The following CEP15 variants were observed in gnomAD, a reference collection of about 807,000 sequenced individuals.
The protein encoded by CEP15 is centrosomal protein 15 kDa.
At chr3:62,336,046 A>G in the CEP15 span, 26 of 152,174 alleles carry the variant, frequency 1.7e-4, no homozygotes, top group Non-Finnish European at 3.5e-4. The surrounding 1 kb of genome is among the most constrained non-coding windows in gnomAD (Gnocchi z 4.4). Context: ...TTTTTTCTGC[A>G]TTATGCACAA....
the CEP15 span, chr3:62,320,648 A>G: frequency 3.1e-6 from 2 of 653,190 alleles, no homozygotes; most frequent in Non-Finnish European, 5.3e-6. Flanking sequence ...GACACTTAAG[A>G]GGTTTTAGTG....
At chr3:62,321,541 C>G in the CEP15 span, among the ~76,000 whole-genome samples, 1 of 152,078 alleles carries the variant, frequency 6.6e-6, no homozygotes, top group African/African-American at 2.4e-5. The surrounding 1 kb of genome is among the most constrained non-coding windows in gnomAD (Gnocchi z 4.1). Context: ...CAAGTTATAT[C>G]AATGTATGTG....
the CEP15 span, among the ~76,000 whole-genome samples, chr3:62,324,581 G>C: frequency 6.6e-6 from 1 of 152,120 alleles, no homozygotes; most frequent in African/African-American, 2.4e-5. Flanking sequence ...TCACTGTTCA[G>C]TCTTTCCTTG....
chr3:62,334,191 C>T, the CEP15 span: 2 of 150,814 alleles, frequency 1.3e-5, no homozygotes, highest in African/African-American at 2.4e-5. This position sits in a 1 kb window ranked among gnomAD's most constrained non-coding sequence, Gnocchi z 4.9. Flanking sequence ...GGTCACAACC[C>T]TAAACAGCTT....
At chr3:62,326,668 A>G in the CEP15 span, among the ~76,000 whole-genome samples, 5 of 152,274 alleles carry the variant, frequency 3.3e-5, no homozygotes, top group East Asian at 5.8e-4. Context: ...TCAAGCCTAT[A>G]TAGAAGAGGG....
chr3:62,329,549 A>G, the CEP15 span, among the ~76,000 whole-genome samples: 1 of 152,188 alleles, frequency 6.6e-6, no homozygotes, highest in African/African-American at 2.4e-5. Flanking sequence ...AAGAAAGCAA[A>G]TATCTCTTAA....
chr3:62,324,738 G>A, the CEP15 span, among the ~76,000 whole-genome samples: 11 of 152,266 alleles, frequency 7.2e-5, no homozygotes, highest in South Asian at 2.3e-3. Flanking sequence ...TACTTCAGAA[G>A]TACAGCCTAC....
At chr3:62,322,175 C>T in the CEP15 span, 1 of 1,022,572 alleles carries the variant, frequency 9.8e-7, no homozygotes, top group South Asian at 1.5e-5. The surrounding 1 kb of genome is among the most constrained non-coding windows in gnomAD (Gnocchi z 5.5). Flanking sequence ...ATTACTAAAG[C>T]AGCATCTTTT....
the CEP15 span, among the ~76,000 whole-genome samples, chr3:62,321,557 G>C: frequency 1.3e-5 from 2 of 152,098 alleles, no homozygotes; most frequent in African/African-American, 4.8e-5. The surrounding 1 kb of genome is among the most constrained non-coding windows in gnomAD (Gnocchi z 4.1). Flanking sequence ...ATGTGTGTCG[G>C]GAGGTATATA....
the CEP15 span, chr3:62,322,157 T>TTCTACTTATTACTGAG: frequency 1.7e-6 from 2 of 1,172,516 alleles, no homozygotes; most frequent in Non-Finnish European, 2.4e-6. This position sits in a 1 kb window ranked among gnomAD's most constrained non-coding sequence, Gnocchi z 5.5. Flanking sequence ...TTCTCAGTAA[T>TTCTACTTATTACTGAG]AAGTAGAATT....
chr3:62,324,503 C>CT, the CEP15 span, among the ~76,000 whole-genome samples: 6 of 152,074 alleles, frequency 3.9e-5, no homozygotes, highest in African/African-American at 4.8e-5. Context: ...AGGTATTTAA[C>CT]TTTTTTTAGC....
chr3:62,320,540 G>C, the CEP15 span: 1 of 1,595,234 alleles, frequency 6.3e-7, no homozygotes, highest in Non-Finnish European at 8.6e-7. Context: ...TTTTTTTAAA[G>C]GGATGATTCA....
chr3:62,331,567 A>G, the CEP15 span, among the ~76,000 whole-genome samples: 5 of 152,184 alleles, frequency 3.3e-5, no homozygotes, highest in Non-Finnish European at 7.4e-5. Context: ...TACTTTATAC[A>G]TAGTAGGTAA....
chr3:62,331,204 C>T, the CEP15 span: 1 of 721,028 alleles, frequency 1.4e-6, no homozygotes, highest in Non-Finnish European at 2.4e-6. Flanking sequence ...TGCCTCCATC[C>T]ATTCAGATTA....
the CEP15 span, among the ~76,000 whole-genome samples, chr3:62,320,206 A>T: frequency 6.6e-6 from 1 of 152,240 alleles, no homozygotes; most frequent in Admixed American, 6.5e-5. Flanking sequence ...AATTCTGATT[A>T]AGGTTAGAGT....
the CEP15 span, among the ~76,000 whole-genome samples, chr3:62,329,171 T>G: frequency 1.3e-5 from 2 of 152,114 alleles, no homozygotes; most frequent in East Asian, 3.9e-4. Flanking sequence ...AGGAGAGATA[T>G]CCTGAAAGAA....
At chr3:62,336,156 TAA>T in the CEP15 span, 16 of 152,242 alleles carry the variant, frequency 1.1e-4, no homozygotes, top group Admixed American at 1.0e-3. This position sits in a 1 kb window ranked among gnomAD's most constrained non-coding sequence, Gnocchi z 4.4. Flanking sequence ...CCATAAAAAA[TAA>T]AGTGAATATG....
the CEP15 span, among the ~76,000 whole-genome samples, chr3:62,330,384 C>T: frequency 6.6e-6 from 1 of 152,104 alleles, no homozygotes; most frequent in Non-Finnish European, 1.5e-5. Context: ...TGGCCTGTGA[C>T]CAAGGCCACT....
At chr3:62,335,162 G>T in the CEP15 span, 2 of 152,052 alleles carry the variant, frequency 1.3e-5, no homozygotes, top group African/African-American at 4.8e-5. Context: ...TCACCAGTGG[G>T]TTAGATAAAA....
Sources: allele counts gnomAD v4.1 joint callset (sites outside exome capture counted in the v4.1 genomes callset), GRCh38; gene constraint gnomAD v4.1.1; non-coding constraint Gnocchi (gnomAD v3.1); transcripts MANE v1.5; gene names NCBI Gene and HGNC (gene_info 2026-07-23, HGNC 2026-07-21).